PTAR1: variants seen among roughly 807,000 people sequenced by gnomAD.
PTAR1 encodes the protein protein prenyltransferase alpha subunit repeat-containing protein 1.
In PTAR1, 17 loss-of-function variants were observed where a neutral mutation model predicts 45.5. The ratio of observed to expected loss-of-function variants is 0.37; its 90% CI spans 0.26 to 0.56. The LOEUF (loss-of-function observed/expected upper bound fraction) is 0.56, where lower values mean the gene tolerates loss of function less well. Among genes scored for constraint, PTAR1 ranks in the 20% least tolerant of loss-of-function variants. PTAR1 has a pLI of 0.77. For synonymous variants in PTAR1, 169 were observed against 171.3 expected (o/e 0.99, Z 0.11); for missense variants, 391 against 476.3 (o/e 0.82, Z 1.67).
At chr9:69,732,494 G>C in intron 4 of PTAR1, 142 bp from the exon 5 acceptor site, 1 of 635,522 alleles carries the variant, frequency 1.6e-6, no homozygotes, top group Non-Finnish European at 2.7e-6. Flanking sequence ...GTATTTTGGA[G>C]ATGGGGAGGG....
chr9:69,732,590 A>C (rs1006840930), intron 4 of PTAR1, among the ~76,000 whole-genome samples: 1 of 152,170 alleles, frequency 6.6e-6, no homozygotes, highest in Non-Finnish European at 1.5e-5. Flanking sequence ...AAAAACTTTA[A>C]AATCTGTAAT....
chr9:69,750,751 C>T, intron 2 of PTAR1, 30 bp downstream of exon 2: 1 of 1,554,870 alleles, frequency 6.4e-7, no homozygotes, highest in Non-Finnish European at 8.7e-7. Flanking sequence ...CTTCTAAAAA[C>T]CAAATGAAGA....
intron 5 of PTAR1, 97 bp from the exon 6 acceptor site, chr9:69,723,727 T>C (rs1825137828): frequency 8.5e-6 from 8 of 940,416 alleles, no homozygotes; most frequent in Non-Finnish European, 1.3e-5. Flanking sequence ...GTTCCTTTTT[T>C]GACAAGACCA....
At chr9:69,721,070 C>T (rs1279180734) in intron 6 of PTAR1, among the ~76,000 whole-genome samples, 1 of 152,162 alleles carries the variant, frequency 6.6e-6, no homozygotes, top group East Asian at 1.9e-4. Context: ...GTTATAGCTG[C>T]CACAGATAGT....
chr9:69,728,477 T>C (rs914395458), intron 5 of PTAR1, among the ~76,000 whole-genome samples: 1 of 152,216 alleles, frequency 6.6e-6, no homozygotes, highest in Admixed American at 6.5e-5. Context: ...AGAGTTTCAG[T>C]TTCTCCACAT....
intron 5 of PTAR1, among the ~76,000 whole-genome samples, chr9:69,726,463 A>G (rs60544576): frequency 0.031 from 4,665 of 152,196 alleles, 240 homozygotes; most frequent in African/African-American, 0.11. Flanking sequence ...ATCTATGTAC[A>G]TATCTAATTA....
intron 1 of PTAR1, among the ~76,000 whole-genome samples, chr9:69,754,785 C>T (rs1043909448): frequency 6.6e-6 from 1 of 151,214 alleles, no homozygotes; most frequent in East Asian, 1.9e-4. Context: ...AAACTCCTGG[C>T]CTCAAGTGAT....
chr9:69,741,857 T>C lies in PTAR1; in HGVS notation c.258A>G (p.Glu86=), dbSNP rs1211278623. The C allele has an allele frequency of 1.9e-6, 3 of 1,582,758 alleles. No homozygotes were observed. The highest frequency in any genetic ancestry group is 2.6e-6 in the Non-Finnish European group (3 of 1,159,386). ...RTRKQWLNRD[E]LIDVTCTLLL... ...GCAGGGTACATGTGACATCTATCAA[T>C]TCTAAAATAAAGAGAAGTCATATTA... is the stretch of plus-strand genomic sequence containing the variant. Residue 86 remains glutamate, a splice_region_variant and synonymous_variant, in exon 3 of 8, where the codon GAA becomes GAG. Coordinates refer to ENST00000340434, the MANE Select transcript of PTAR1 (RefSeq NM_001099666.2).
At chr9:69,727,504 T>TTAAG (rs1197965493) in intron 5 of PTAR1, among the ~76,000 whole-genome samples, 1 of 18,744 alleles carries the variant, frequency 5.3e-5, no homozygotes, top group Non-Finnish European at 1.0e-4. Flanking sequence ...AATTTGGTAT[T>TTAAG]TAAGATTAAA....
At chr9:69,754,582 C>G (rs1588489984) in intron 1 of PTAR1, among the ~76,000 whole-genome samples, 1 of 135,922 alleles carries the variant, frequency 7.4e-6, no homozygotes, top group East Asian at 2.1e-4. Context: ...GCTCTGTCGT[C>G]CAGGCTGGAG....
chr9:69,744,176 CCTTTA>C (rs1278295980), intron 2 of PTAR1, among the ~76,000 whole-genome samples: 1 of 152,174 alleles, frequency 6.6e-6, no homozygotes, highest in Non-Finnish European at 1.5e-5. Flanking sequence ...CCATTACTTT[CCTTTA>C]CATGTTACAT....
At chr9:69,734,429 T>C (rs1025953189) in intron 3 of PTAR1, among the ~76,000 whole-genome samples, 175 bp from the exon 4 acceptor site, 23 of 152,218 alleles carry the variant, frequency 1.5e-4, no homozygotes, top group African/African-American at 4.3e-4. Flanking sequence ...CACTCATAAA[T>C]GTGACATGCA....
chr9:69,726,675 CTTAA>C (rs962193092), intron 5 of PTAR1, among the ~76,000 whole-genome samples: 2 of 151,782 alleles, frequency 1.3e-5, no homozygotes, highest in South Asian at 2.1e-4. Context: ...TTTACATTTC[CTTAA>C]TTATCATTAA....
intron 6 of PTAR1, among the ~76,000 whole-genome samples, chr9:69,721,760 G>A (rs1479261316): frequency 6.6e-6 from 1 of 152,174 alleles, no homozygotes; most frequent in Non-Finnish European, 1.5e-5. Context: ...TTGCTGAAGG[G>A]TCGGATGATC....
rs1309697105 is a variant in PTAR1, at chr9:69,723,566, C to T, written c.707G>A (p.Gly236Glu). 2 of 1,613,784 alleles carry T rather than the reference C, an allele frequency of 1.2e-6. No homozygotes were observed. The highest frequency in any genetic ancestry group is 1.7e-6 in the Non-Finnish European group (2 of 1,179,758). The change falls in exon 6 of 8, where the codon GGA becomes GAA. Residue 236 changes from glycine to glutamate, a missense_variant. By Grantham distance (98) the Gly-to-Glu change is moderately conservative. Coordinates refer to ENST00000340434, the MANE Select transcript of PTAR1 (RefSeq NM_001099666.2). Reference protein sequence around the residue: ...WASMHVSDHSGFHYRQFLLKS... With the variant: ...WASMHVSDHSEFHYRQFLLKS... The stretch of plus-strand genomic sequence containing the variant: ...AAGCAAAAACTGGCGGTAGTGAAAT[C>T]CACTGTGGTCTGAAACGTGCATAGA...
At position 69,740,028 on chromosome 9, in the gene PTAR1, T is replaced by TA. The variant is rs1233729371; in HGVS notation, c.323+1763dup. ...TAATTCAAATCTTTTATTTCATAGATAAAAAAACCAAAACTCTTGATAATT... is the reference window on the plus strand; with the variant it reads ...TAATTCAAATCTTTTATTTCATAGATAAAAAAAACCAAAACTCTTGATAATT... On this transcript the variant is annotated intron_variant, in intron 3 of 7. Transcript: ENST00000340434. 2.6e-5 allele frequency among the ~76,000 whole-genome samples: 4 copies of TA among 152,234 alleles called. No individual in the cohort carries two copies. In the East Asian group the frequency reaches 7.7e-4, roughly 29 times the overall value.
intron 1 of PTAR1, among the ~76,000 whole-genome samples, chr9:69,751,449 A>C (rs1826531556): frequency 6.6e-6 from 1 of 152,124 alleles, no homozygotes; most frequent in African/African-American, 2.4e-5. Flanking sequence ...TGAAAACAAA[A>C]AGCAAAATGC....
At position 69,717,188 on chromosome 9, in the gene PTAR1, A is replaced by C. The variant is rs192543303; in HGVS notation, c.*1154T>G. ...TTGGCATTTGCCAGTAAACTTTAAC[A>C]GTCACTTCATGATAATTTTATAGTT... On this transcript the variant is annotated 3_prime_UTR_variant, in exon 8 of 8. Coordinates refer to ENST00000340434, the MANE Select transcript of PTAR1 (RefSeq NM_001099666.2). 1 of 152,204 alleles carries C rather than the reference A, an allele frequency of 6.6e-6. No homozygotes were observed. The highest frequency in any genetic ancestry group is 6.5e-5 in the Admixed American group (1 of 15,268). 9.4% of individuals were successfully genotyped at this position (152,204 alleles called of 1,614,324 possible). A position where few individuals can be genotyped will look rare whatever the true frequency, so the allele number is the denominator to read the frequency against.
At position 69,715,130 on chromosome 9, in the gene PTAR1, A is replaced by G. The variant is rs1246110498; in HGVS notation, c.*3212T>C. On this transcript the variant is annotated 3_prime_UTR_variant, in exon 8 of 8. Transcript: ENST00000340434. The stretch of plus-strand genomic sequence containing the variant: ...ACAAATTTTTAATATATATTATAAT[A>G]CAGTTAATTGACAATTACAGAGCTG... The G allele has an allele frequency of 6.6e-6, 1 of 152,072 alleles. No homozygotes were observed. Among genetic ancestry groups the G allele is most frequent in the Non-Finnish European group, 1.5e-5 (1 of 67,984 alleles). 9.4% of individuals were successfully genotyped at this position (152,072 alleles called of 1,614,324 possible).
Sources: gnomAD v4.1 joint callset for allele counts (sites outside exome capture counted in the v4.1 genomes callset) on GRCh38, gnomAD v4.1.1 for gene constraint, MANE v1.5 for transcripts, NCBI Gene and HGNC (gene_info 2026-07-23, HGNC 2026-07-21) for gene names.